The following IDO1 variants were observed in gnomAD, a reference collection of about 807,000 sequenced individuals.
IDO1 encodes indolamine 2,3 dioxygenase.
Under a neutral mutation model 38.8 loss-of-function variants are expected in IDO1, and 35 were observed. That is an observed-to-expected ratio of 0.90 (90% CI 0.69 to 1.20). The LOEUF (loss-of-function observed/expected upper bound fraction) is 1.20. IDO1 is among the 50% of genes most tolerant of loss of function. The probability of loss-of-function intolerance (pLI) is 0.00; values close to 1 mark genes in which losing one functional copy is unlikely to be tolerated. For missense variants in IDO1, 509 were observed against 485.1 expected (o/e 1.05, Z -0.46); for synonymous variants, 171 against 170.0 (o/e 1.01, Z -0.05).
At chr8:39,926,147 A>C (rs894969540) in intron 9 of IDO1, among the ~76,000 whole-genome samples, 1 of 152,196 alleles carries the variant, frequency 6.6e-6, no homozygotes, top group Non-Finnish European at 1.5e-5. Flanking sequence ...ATATGGCGCC[A>C]CTGCACTCCA....
At chr8:39,917,514 A>G (rs1441405561) in intron 1 of IDO1, among the ~76,000 whole-genome samples, 1 of 152,234 alleles carries the variant, frequency 6.6e-6, no homozygotes, top group African/African-American at 2.4e-5. Flanking sequence ...AAAGAAAAGA[A>G]AAACCAAAGC....
intron 5 of IDO1, among the ~76,000 whole-genome samples, chr8:39,921,501 T>C (rs1807270918): frequency 6.6e-6 from 1 of 152,162 alleles, no homozygotes; most frequent in African/African-American, 2.4e-5. Flanking sequence ...TTTTATTAGC[T>C]ATGATAAGGA....
At chr8:39,920,565 C>T (rs1280364793) in intron 5 of IDO1, 16 of 153,334 alleles carry the variant, frequency 1.0e-4, no homozygotes, top group Admixed American at 2.0e-4. Context: ...GCATGGCTCA[C>T]GCCTGTAATC....
chr8:39,925,720 C>A (rs959089874), intron 9 of IDO1, among the ~76,000 whole-genome samples: 1 of 151,880 alleles, frequency 6.6e-6, no homozygotes, highest in African/African-American at 2.4e-5. Flanking sequence ...CCGGTCTCTA[C>A]TAAAAATACA....
At position 39,920,103 on chromosome 8, in the gene IDO1, C is replaced by T; in HGVS notation, c.426C>T (p.Pro142=). 2 of 1,610,226 alleles carry T rather than the reference C, an allele frequency of 1.2e-6. No individual in the cohort carries two copies. Among genetic ancestry groups the T allele is most frequent in the Non-Finnish European group, 1.7e-6 (2 of 1,177,942 alleles). Residue 142 remains proline (P), a synonymous_variant, in exon 5 of 10, where the codon CCC becomes CCT. Transcript: ENST00000518237. ...ANWKKKDPNK[P]LTYENMDVLF... is the part of the protein sequence containing the mutation. ...GCTTCATGGCTGCTTTCATAAGGCC[C>T]CTGACTTATGAGTAAGTATCTGATT...
intron 3 of IDO1, 31 bp from the exon 4 acceptor site, chr8:39,918,784 A>G (rs976540865): frequency 9.2e-7 from 1 of 1,081,512 alleles, no homozygotes; most frequent in Non-Finnish European, 1.4e-6. Context: ...AACAACAACA[A>G]CAAAAAACCT....
chr8:39,917,593 T>C (rs776376337), intron 1 of IDO1, among the ~76,000 whole-genome samples: 2 of 152,214 alleles, frequency 1.3e-5, no homozygotes, highest in Non-Finnish European at 2.9e-5. Flanking sequence ...GGAGATTGGT[T>C]TCAAATAGAG....
Position 39,917,921 on chromosome 8 carries a change from A to G in IDO1, c.134A>G (p.His45Arg), listed in dbSNP as rs1807200746. The change falls in exon 2 of 10, where the codon CAT becomes CGT. Residue 45 changes from histidine (H) to arginine (R), a missense_variant. His to Arg is a conservative substitution (Grantham distance 29, BLOSUM62 0). Transcript: ENST00000518237. Reference protein sequence around the residue: ...FYNDWMFIAKHLPDLIESGQL... With the variant: ...FYNDWMFIAKRLPDLIESGQL... ...AATGACTGGATGTTCATTGCTAAAC[A>G]TCTGCCTGATCTCATAGAGTCTGGC... 1 of 1,613,422 alleles carries G rather than the reference A, an allele frequency of 6.2e-7. No individual in the cohort carries two copies. Among genetic ancestry groups the G allele is most frequent in the Non-Finnish European group, 8.5e-7 (1 of 1,179,546 alleles).
chr8:39,928,117 A>C lies in IDO1; in HGVS notation c.1144A>C (p.Thr382Pro). ...ACTGGAAGCCAAAGGAACTGGAGGC[A>C]CTGATTTAATGAATTTCCTGAAGAC... ...SKLEAKGTGGTDLMNFLKTVR... is the reference protein window; with the variant it reads ...SKLEAKGTGGPDLMNFLKTVR... Residue 382 changes from threonine to proline, a missense_variant, in exon 10 of 10, where the codon ACT becomes CCT. Physicochemically the swap from Thr to Pro is conservative, Grantham distance 38. Transcript: ENST00000518237. 6.2e-7 allele frequency: 1 copy of C among 1,613,666 alleles called. No homozygotes were observed. Among genetic ancestry groups the C allele is most frequent in the Non-Finnish European group, 8.5e-7 (1 of 1,179,750 alleles).
chr8:39,923,611 G>C, intron 7 of IDO1, 25 bp downstream of exon 7: 1 of 1,350,766 alleles, frequency 7.4e-7, no homozygotes, highest in Non-Finnish European at 1.1e-6. Flanking sequence ...CAGTGCAATA[G>C]TCTAGGCTGA....
chr8:39,914,035 A>T, intron 1 of IDO1, 26 bp downstream of exon 1: 1 of 1,483,154 alleles, frequency 6.7e-7, no homozygotes, highest in Non-Finnish European at 9.2e-7. Flanking sequence ...AAAATGTGGG[A>T]AAATGCATTC....
At chr8:39,927,596 T>C (rs919705002) in intron 9 of IDO1, among the ~76,000 whole-genome samples, 14 of 151,032 alleles carry the variant, frequency 9.3e-5, no homozygotes, top group African/African-American at 3.4e-4. Context: ...AAAATACTTA[T>C]TGTGAGAAAA....
chr8:39,927,287 G>A (rs150491339), intron 9 of IDO1, among the ~76,000 whole-genome samples: 84 of 152,250 alleles, frequency 5.5e-4, no homozygotes, highest in Non-Finnish European at 9.0e-4. Flanking sequence ...AAGGCCAGGC[G>A]CGGTGGCTCA....
intron 6 of IDO1, 48 bp from the exon 7 acceptor site, chr8:39,923,421 A>T: frequency 3.7e-5 from 39 of 1,043,284 alleles, no homozygotes; most frequent in Non-Finnish European, 4.8e-5. Flanking sequence ...AAAAAAAAAA[A>T]GAAAGAAAGA....
intron 1 of IDO1, among the ~76,000 whole-genome samples, chr8:39,916,038 C>T (rs1300151939): frequency 6.6e-6 from 1 of 151,802 alleles, no homozygotes; most frequent in African/African-American, 2.4e-5. Flanking sequence ...TAGTGGCATA[C>T]ACCTGTAATC....
At chr8:39,914,583 G>T (rs945506750) in intron 1 of IDO1, among the ~76,000 whole-genome samples, 1 of 152,032 alleles carries the variant, frequency 6.6e-6, no homozygotes, top group Non-Finnish European at 1.5e-5. Context: ...AAAGTACAAG[G>T]TATGTGGAAA....
At position 39,913,906 on chromosome 8, in the gene IDO1, A is replaced by G. The variant is rs1807133618; in HGVS notation, c.-17A>G. ...CTCTTCAGACACTGAGGGGCACCAG[A>G]GGAGCAGACTACAAGAATGGCACAC... On this transcript the variant is annotated 5_prime_UTR_variant, in exon 1 of 10. Transcript: ENST00000518237. 5 of 1,543,730 alleles carry G rather than the reference A, an allele frequency of 3.2e-6. No individual in the cohort carries two copies. Among genetic ancestry groups the G allele is most frequent in the Non-Finnish European group, 4.4e-6 (5 of 1,137,854 alleles).
At chr8:39,923,612 T>C in intron 7 of IDO1, 26 bp downstream of exon 7, 1 of 1,342,612 alleles carries the variant, frequency 7.4e-7, no homozygotes. Flanking sequence ...AGTGCAATAG[T>C]CTAGGCTGAC....
At position 39,918,181 on chromosome 8, in the gene IDO1, G is replaced by A. The variant is rs1735357145; in HGVS notation, c.277G>A (p.Gly93Ser). 2 of 1,613,796 alleles carry A rather than the reference G, an allele frequency of 1.2e-6. No homozygotes were observed. Among genetic ancestry groups the A allele is most frequent in the Non-Finnish European group, 1.7e-6 (2 of 1,179,774 alleles). ...ATGCATCACCATGGCATATGTGTGG[G>A]GCAAAGGTCATGGAGATGTCCGTAA... is the stretch of plus-strand genomic sequence containing the variant. Reference protein sequence around the residue: ...LGCITMAYVWGKGHGDVRKVL... With the variant: ...LGCITMAYVWSKGHGDVRKVL... The change falls in exon 3 of 10, where the codon GGC becomes AGC. Residue 93 changes from glycine to serine, a missense_variant. Gly to Ser is a moderately conservative substitution (Grantham distance 56, BLOSUM62 0). Coordinates refer to ENST00000518237, the MANE Select transcript of IDO1 (RefSeq NM_002164.6).
Sources: gnomAD v4.1 joint callset for allele counts (sites outside exome capture counted in the v4.1 genomes callset) on GRCh38, gnomAD v4.1.1 for gene constraint, MANE v1.5 for transcripts, NCBI Gene and HGNC (gene_info 2026-07-23, HGNC 2026-07-21) for gene names.